ZDHHC14: variants seen among roughly 807,000 people sequenced by gnomAD.
ZDHHC14 encodes zDHHC palmitoyltransferase 14.
A neutral mutation model predicts 47.7 loss-of-function variants in ZDHHC14; 16 were observed. The observed-to-expected ratio is 0.34, with a 90% CI of 0.23 to 0.51. The LOEUF is 0.51. Ranked by LOEUF, ZDHHC14 falls within the 20% of genes least tolerant of loss-of-function variation. The pLI is 0.97. For missense variants in ZDHHC14, 515 were observed against 662.5 expected (o/e 0.78, Z 2.44); for synonymous variants, 293 against 278.9 (o/e 1.05, Z -0.50).
chr6:157,648,712 A>G (rs1014816366), intron 7 of ZDHHC14, among the ~76,000 whole-genome samples: 5 of 152,232 alleles, frequency 3.3e-5, no homozygotes, highest in Admixed American at 2.0e-4. Context: ...GGCAGGTGCC[A>G]GCTCCTCTTG....
intron 1 of ZDHHC14, among the ~76,000 whole-genome samples, chr6:157,505,644 T>C (rs1230206264): frequency 6.6e-6 from 1 of 152,184 alleles, no homozygotes; most frequent in Non-Finnish European, 1.5e-5. Context: ...AGTATATGAT[T>C]AAAGGCTGTA....
At chr6:157,537,325 T>G (rs953804767) in intron 1 of ZDHHC14, among the ~76,000 whole-genome samples, 1 of 152,238 alleles carries the variant, frequency 6.6e-6, no homozygotes, top group Non-Finnish European at 1.5e-5. Context: ...CTTTTGGCAG[T>G]GCTACATTTC....
At chr6:157,670,085 C>A (rs1778728084) in intron 8 of ZDHHC14, among the ~76,000 whole-genome samples, 1 of 152,188 alleles carries the variant, frequency 6.6e-6, no homozygotes, top group South Asian at 2.1e-4. Flanking sequence ...GCGCCCGCAG[C>A]CTACACAGGC....
chr6:157,532,081 TG>T (rs1781387716), intron 1 of ZDHHC14, among the ~76,000 whole-genome samples: 1 of 152,108 alleles, frequency 6.6e-6, no homozygotes, highest in African/African-American at 2.4e-5. Flanking sequence ...AAGGAGCCGC[TG>T]GGGGAGGAGG....
chr6:157,518,510 C>T (rs1483534111), intron 1 of ZDHHC14, among the ~76,000 whole-genome samples: 2 of 152,174 alleles, frequency 1.3e-5, no homozygotes, highest in African/African-American at 4.8e-5. Flanking sequence ...AAGTTAAAAT[C>T]TGTAGAAGAC....
chr6:157,412,033 G>C (rs1427606678), intron 1 of ZDHHC14, among the ~76,000 whole-genome samples: 7 of 151,508 alleles, frequency 4.6e-5, no homozygotes, highest in African/African-American at 1.5e-4. Context: ...CCACCTCCTG[G>C]GTTCAAGCAA....
chr6:157,562,624 C>G (rs574389618), intron 2 of ZDHHC14, among the ~76,000 whole-genome samples: 1 of 152,310 alleles, frequency 6.6e-6, no homozygotes, highest in African/African-American at 2.4e-5. Flanking sequence ...GATGAGCCAC[C>G]TGAGCAGCTC....
intron 1 of ZDHHC14, among the ~76,000 whole-genome samples, chr6:157,470,873 T>C (rs1430654925): frequency 1.3e-5 from 2 of 152,188 alleles, no homozygotes; most frequent in Non-Finnish European, 2.9e-5. Flanking sequence ...CTTTGGCCAG[T>C]AAAGTCTATA....
rs955906948 is a variant in ZDHHC14, at chr6:157,655,124, C to T, written c.1068+1497C>T. On this transcript the variant is annotated intron_variant, in intron 8 of 8. Transcript: ENST00000359775. ...GGGGAAACAGCTTGTTTGGTCATAA[C>T]TCATCCACTCAAGGGACGCTTTAAG... 7.9e-5 allele frequency among the ~76,000 whole-genome samples: 12 copies of T among 152,270 alleles called. No individual in the cohort carries two copies. In the East Asian group the frequency reaches 2.3e-3, roughly 29 times the overall value.
chr6:157,598,186 T>G (rs1489066183), intron 3 of ZDHHC14, among the ~76,000 whole-genome samples: 2 of 152,208 alleles, frequency 1.3e-5, no homozygotes, highest in Non-Finnish European at 2.9e-5. Flanking sequence ...AGTTGTACAT[T>G]AAGAGTTTGG....
chr6:157,653,621 T>A lies in ZDHHC14; in HGVS notation c.1062T>A (p.Ser354Arg). ...TGTACGGGGCCACGCAGTCACAGAG[T>A]GACATGGTAGGAGTGGGGGCCACTG... ...ITMYGATQSQ[S>R]DMCDQDQCIQ... Residue 354 changes from serine to arginine, a missense_variant, in exon 8 of 9, where the codon AGT becomes AGA. By Grantham distance (110) the Ser-to-Arg change is moderately radical. This residue lies in a region of ZDHHC14 where 221 missense variants were observed against 233.6 expected (regional missense o/e 0.95). Coordinates refer to ENST00000359775, the MANE Select transcript of ZDHHC14 (RefSeq NM_024630.3). 2.5e-6 allele frequency: 4 copies of A among 1,612,992 alleles called. No homozygotes were observed. Among genetic ancestry groups the A allele is most frequent in the Non-Finnish European group, 3.4e-6 (4 of 1,179,794 alleles).
Position 157,645,798 on chromosome 6 carries a change from C to A in ZDHHC14, c.814C>A (p.His272Asn). ...VWSIVGLSGF[H>N]TYLISSNQTT... ...GTCCATCGTTGGCCTCTCAGGATTC[C>A]ACACCTACTTGATCAGCTCCAACCA... is the stretch of plus-strand genomic sequence containing the variant. The change falls in exon 6 of 9, where the codon CAC (histidine) becomes AAC (asparagine). Residue 272 changes from histidine (H) to asparagine (N), a missense_variant. Around this residue, in one of 4 missense-constraint regions of ZDHHC14, gnomAD observed 229 missense variants for 351.5 expected, o/e 0.65. Coordinates refer to ENST00000359775, the MANE Select transcript of ZDHHC14 (RefSeq NM_024630.3). The A allele has an allele frequency of 6.2e-7, 1 of 1,614,102 alleles. No homozygotes were observed. Among genetic ancestry groups the A allele is most frequent in the Non-Finnish European group, 8.5e-7 (1 of 1,180,026 alleles).
intron 8 of ZDHHC14, among the ~76,000 whole-genome samples, chr6:157,661,693 C>T (rs545018287): frequency 6.8e-4 from 103 of 152,278 alleles, no homozygotes; most frequent in African/African-American, 2.3e-3. Context: ...TCCCAAGAGC[C>T]TTAAATTCCT....
chr6:157,631,370 G>A (rs1217544841), intron 4 of ZDHHC14: 2 of 152,198 alleles, frequency 1.3e-5, no homozygotes, highest in East Asian at 3.8e-4. Context: ...GCAAGTTATT[G>A]GAATATCCTG....
chr6:157,406,098 A>G (rs1332541008), intron 1 of ZDHHC14, among the ~76,000 whole-genome samples: 2 of 152,186 alleles, frequency 1.3e-5, no homozygotes, highest in East Asian at 3.8e-4. Context: ...CGGGAGAGGT[A>G]ATGCATGAAG....
chr6:157,658,033 A>G (rs145874785), intron 8 of ZDHHC14, among the ~76,000 whole-genome samples: 47 of 152,344 alleles, frequency 3.1e-4, no homozygotes, highest in African/African-American at 1.1e-3. Flanking sequence ...CATGTCAAGC[A>G]CTTAAAACCT....
Position 157,647,346 on chromosome 6 carries a change from C to T in ZDHHC14, c.943C>T (p.Leu315=). 1.2e-6 allele frequency: 2 copies of T among 1,613,972 alleles called. No individual in the cohort carries two copies. The highest frequency in any genetic ancestry group is 1.3e-5 in the African/African-American group (1 of 75,066). Residue 315 remains leucine (L), a synonymous_variant, in exon 7 of 9, where the codon CTG becomes TTG. Transcript: ENST00000359775. ...GNIFTNCCVA[L]CGPISPSLID... ...TATCTTTACCAACTGCTGTGTTGCC[C>T]TGTGTGGGCCCATCTCACCAAGGTA...
chr6:157,564,230 G>C (rs1782818496), intron 2 of ZDHHC14, among the ~76,000 whole-genome samples: 1 of 152,204 alleles, frequency 6.6e-6, no homozygotes, highest in South Asian at 2.1e-4. Flanking sequence ...AGTTGGGGCA[G>C]GGCGGGGGCT....
chr6:157,548,439 GT>G (rs530648874), intron 2 of ZDHHC14, among the ~76,000 whole-genome samples: 2,288 of 126,950 alleles, frequency 0.018, 62 homozygotes, highest in African/African-American at 0.063. Flanking sequence ...TGTTGTTGTT[GT>G]TTGTTTGTTT....
Sources: gnomAD v4.1 joint callset for allele counts (sites outside exome capture counted in the v4.1 genomes callset) on GRCh38, gnomAD v4.1.1 for gene constraint, gnomAD v4.1.1 regional missense constraint, MANE v1.5 for transcripts, NCBI Gene and HGNC (gene_info 2026-07-23, HGNC 2026-07-21) for gene names.